NF1: variants seen among roughly 807,000 people sequenced by gnomAD.
The protein encoded by NF1 is neurofibromin 1.
Under a neutral mutation model 325.7 loss-of-function variants are expected in NF1, and 122 were observed. The ratio of observed to expected loss-of-function variants is 0.37; its 90% CI spans 0.32 to 0.44. The LOEUF (loss-of-function observed/expected upper bound fraction) is 0.44, where lower values mean the gene tolerates loss of function less well. Among genes scored for constraint, NF1 ranks in the 20% least tolerant of loss-of-function variants. NF1 has a pLI of 1.00. For missense variants in NF1, 2,140 were observed against 3,415.4 expected (o/e 0.63, Z 9.31); for synonymous variants, 1,091 against 1,186.0 (o/e 0.92, Z 1.65).
chr17:31,150,958 C>G (rs888133962), intron 1 of NF1, among the ~76,000 whole-genome samples: 41 of 151,978 alleles, frequency 2.7e-4, no homozygotes, highest in Admixed American at 6.6e-4. Flanking sequence ...TCGCTTCAAC[C>G]TTGGAAGCAG....
At chr17:31,247,993 G>A (rs1238077790) in intron 29 of NF1, among the ~76,000 whole-genome samples, 1 of 151,912 alleles carries the variant, frequency 6.6e-6, no homozygotes, top group Admixed American at 6.6e-5. Context: ...ACTTGAAGTC[G>A]GGAGTTTGAG....
At position 31,260,461 on chromosome 17, in the gene NF1, A is replaced by G. The variant is rs1254695587; in HGVS notation, c.4523A>G (p.His1508Arg). 1 of 1,614,038 alleles carries G rather than the reference A, an allele frequency of 6.2e-7. No individual in the cohort carries two copies. The highest frequency in any genetic ancestry group is 8.5e-7 in the Non-Finnish European group (1 of 1,179,972). ...FISDGNVLALHRLLWNNQEKI... is the reference protein window; with the variant it reads ...FISDGNVLALRRLLWNNQEKI... ...AGTGACGGCAATGTGCTTGCTTTAC[A>G]TCGTCTACTCTGGAACAATCAGGAG... The change falls in exon 34 of 58, where the codon CAT becomes CGT. Residue 1508 changes from histidine (H) to arginine (R), a missense_variant. His to Arg is a conservative substitution (Grantham distance 29). Coordinates refer to ENST00000358273, the MANE Select transcript of NF1 (RefSeq NM_001042492.3).
At chr17:31,227,169 A>G in intron 18 of NF1, 49 bp from the exon 19 acceptor site, 1 of 1,582,344 alleles carries the variant, frequency 6.3e-7, no homozygotes, top group Non-Finnish European at 8.7e-7. Flanking sequence ...CTCCATTGGC[A>G]GGCAGGGCTC....
intron 52 of NF1, 63 bp downstream of exon 52, chr17:31,356,645 G>A: frequency 6.3e-6 from 10 of 1,599,990 alleles, no homozygotes; most frequent in East Asian, 2.2e-5. Context: ...TGAAAGTCAT[G>A]TTTATTTTCC....
intron 57 of NF1, among the ~76,000 whole-genome samples, chr17:31,362,116 A>T (rs2070414776): frequency 6.6e-6 from 1 of 151,718 alleles, no homozygotes; most frequent in Non-Finnish European, 1.5e-5. Context: ...TGCACAAAAA[A>T]CTCCCAAGTA....
chr17:31,232,769 T>C lies in NF1; in HGVS notation c.3384T>C (p.Gly1128=). ...SEVEDESAQT[G]GRKRGMSRRL... ...TTGAAGATGAAAGTGCGCAAACAGGTGGCAGGAAACGTGGCATGTCTCGGA... is the reference window on the plus strand; with the variant it reads ...TTGAAGATGAAAGTGCGCAAACAGGCGGCAGGAAACGTGGCATGTCTCGGA... Residue 1128 remains glycine (G), a synonymous_variant, in exon 26 of 58, where the codon GGT becomes GGC. Coordinates refer to ENST00000358273, the MANE Select transcript of NF1 (RefSeq NM_001042492.3). 6.2e-7 allele frequency: 1 copy of C among 1,613,778 alleles called. No homozygotes were observed. Among genetic ancestry groups the C allele is most frequent in the Non-Finnish European group, 8.5e-7 (1 of 1,179,898 alleles).
chr17:31,371,973 G>A (rs2070650343), intron 57 of NF1, among the ~76,000 whole-genome samples: 1 of 152,170 alleles, frequency 6.6e-6, no homozygotes, highest in Non-Finnish European at 1.5e-5. Context: ...GCTCCTAGAG[G>A]GAGGTCATCC....
At chr17:31,343,737 C>T (rs1420429590) in intron 48 of NF1, among the ~76,000 whole-genome samples, 1 of 152,060 alleles carries the variant, frequency 6.6e-6, no homozygotes, top group Non-Finnish European at 1.5e-5. Flanking sequence ...AGAAGGATCT[C>T]TTGAGCTTAG....
At chr17:31,312,443 G>A (rs2068901067) in intron 36 of NF1, among the ~76,000 whole-genome samples, 1 of 151,554 alleles carries the variant, frequency 6.6e-6, no homozygotes, top group African/African-American at 2.4e-5. Flanking sequence ...CCTGGGAGGC[G>A]GAGGTTGCAG....
At position 31,334,654 on chromosome 17, in the gene NF1, T is replaced by C. The variant is rs2069593835; in HGVS notation, c.5813-184T>C. The stretch of plus-strand genomic sequence containing the variant: ...TTGGCTTACTGGCTTTTAAAATTAC[T>C]TTCTTCAAGGACTGTTCTTTCTTCG... On this transcript the variant is annotated intron_variant, in intron 39 of 57. Transcript: ENST00000358273. 4 of 541,838 alleles carry C rather than the reference T, an allele frequency of 7.4e-6. No homozygotes were observed. In the East Asian group the frequency reaches 1.2e-4, roughly 16 times the overall value. The allele number at this position is 541,838 out of a possible 1,614,324, so 33.6% of individuals were successfully genotyped here.
At chr17:31,273,421 C>T (rs1221346503) in intron 36 of NF1, among the ~76,000 whole-genome samples, 2 of 152,144 alleles carry the variant, frequency 1.3e-5, no homozygotes, top group African/African-American at 4.8e-5. Context: ...AGACAAGGGG[C>T]ATAACTTACC....
chr17:31,213,752 T>A (rs2066770966), intron 12 of NF1, among the ~76,000 whole-genome samples: 1 of 152,216 alleles, frequency 6.6e-6, no homozygotes. Flanking sequence ...CTTTCTGAGT[T>A]CTTTCTGTTT....
At position 31,360,646 on chromosome 17, in the gene NF1, G is replaced by A. The variant is rs2151588127; in HGVS notation, c.8320G>A (p.Ala2774Thr). The change falls in exon 57 of 58, where the codon GCC becomes ACC. Residue 2774 changes from alanine (A) to threonine (T), a missense_variant. This residue lies in a region of NF1 where 522 missense variants were observed against 749.0 expected (regional missense o/e 0.70). Transcript: ENST00000358273. ...PALQSQLSIT[A>T]NLNLSNSMTS... ...ACTGCAGAGCCAGCTTAGTATCACT[G>A]CCAACCTTAACCTTTCTAATTCCAT... 6.2e-7 allele frequency: 1 copy of A among 1,614,042 alleles called. No homozygotes were observed. Among genetic ancestry groups the A allele is most frequent in the South Asian group, 1.1e-5 (1 of 91,074 alleles).
At chr17:31,171,412 G>A (rs2065925903) in intron 5 of NF1, among the ~76,000 whole-genome samples, 1 of 152,204 alleles carries the variant, frequency 6.6e-6, no homozygotes, top group Non-Finnish European at 1.5e-5. Flanking sequence ...TTAAAGTTAA[G>A]AAGTATTAGT....
At chr17:31,170,132 A>G in intron 5 of NF1, 135 bp downstream of exon 5, 1 of 646,252 alleles carries the variant, frequency 1.5e-6, no homozygotes, top group Non-Finnish European at 2.8e-6. Flanking sequence ...TTGTGAAATA[A>G]CCAGTAATAC....
intron 51 of NF1, 25 bp downstream of exon 51, chr17:31,352,439 T>A: frequency 6.6e-7 from 1 of 1,508,796 alleles, no homozygotes; most frequent in Non-Finnish European, 8.9e-7. Context: ...ATTATGTAGA[T>A]TTTTTTTATT....
chr17:31,144,325 A>C (rs1916438518), intron 1 of NF1, among the ~76,000 whole-genome samples: 1 of 152,338 alleles, frequency 6.6e-6, no homozygotes, highest in Admixed American at 6.5e-5. Flanking sequence ...ATACAGCAAC[A>C]AGAGGGTTCT....
At chr17:31,310,255 A>G (rs553214767) in intron 36 of NF1, among the ~76,000 whole-genome samples, 1 of 152,210 alleles carries the variant, frequency 6.6e-6, no homozygotes, top group Non-Finnish European at 1.5e-5. Context: ...ACAAAATAAC[A>G]CAAAAGAGAA....
Position 31,095,089 on chromosome 17 carries a change from A to T in NF1, c.-221A>T, listed in dbSNP as rs2143140175. On this transcript the variant is annotated 5_prime_UTR_variant, in exon 1 of 58. Coordinates refer to ENST00000358273, the MANE Select transcript of NF1 (RefSeq NM_001042492.3). ...TCCCCTCCCCGGGTCCCCTTCCCCT[A>T]TCCCCCTCCCCCCAGCCTCCTTGCC... 5.0e-5 allele frequency: 3 copies of T among 60,036 alleles called. No homozygotes were observed. Among genetic ancestry groups the T allele is most frequent in the Non-Finnish European group, 6.0e-5 (2 of 33,524 alleles). The allele number at this position is 60,036 out of a possible 1,614,324, so 3.7% of individuals were successfully genotyped here. A position where few individuals can be genotyped will look rare whatever the true frequency, so the allele number is the denominator to read the frequency against.
Sources: allele counts gnomAD v4.1 joint callset (sites outside exome capture counted in the v4.1 genomes callset), GRCh38; gene constraint gnomAD v4.1.1; regional missense constraint gnomAD v4.1.1; transcripts MANE v1.5; gene names NCBI Gene and HGNC (gene_info 2026-07-23, HGNC 2026-07-21).